ZC3HC1: variants seen among roughly 807,000 people sequenced by gnomAD.
ZC3HC1 encodes zinc finger C3HC-type protein 1.
ZC3HC1 carries 38 observed loss-of-function variants against 61.9 expected under a neutral mutation model. The observed-to-expected ratio is 0.61, with a 90% CI of 0.47 to 0.81. ZC3HC1 has a LOEUF of 0.81. ZC3HC1 is among the 30% of genes least tolerant of loss of function. The pLI, the probability that ZC3HC1 is intolerant of heterozygous loss-of-function variation, is 0.00. For synonymous variants in ZC3HC1, 213 were observed against 229.9 expected, an observed-to-expected ratio of 0.93 and a Z score of 0.67; for missense variants, 554 against 622.7, an observed-to-expected ratio of 0.89 and a Z score of 1.17.
At chr7:130,032,069 C>CA (rs1794222241) in intron 4 of ZC3HC1, among the ~76,000 whole-genome samples, 1 of 151,884 alleles carries the variant, frequency 6.6e-6, no homozygotes, top group Non-Finnish European at 1.5e-5. Flanking sequence ...ACTAAAAATA[C>CA]AAAAATTAGC....
At position 130,029,010 on chromosome 7, in the gene ZC3HC1, G is replaced by A. The variant is rs191694541; in HGVS notation, c.513C>T (p.Pro171=). Residue 171 remains proline, a synonymous_variant, in exon 5 of 10, where the codon CCC becomes CCT. Coordinates refer to ENST00000358303, the MANE Select transcript of ZC3HC1 (RefSeq NM_016478.5). ...SPSPDRFGML[P]LDEPAILVSE... ...TAACAAGAATAGCAGGCTCATCCAGGGGCAACATCCCAAATCGGTCTGTGG... is the reference window on the plus strand; with the variant it reads ...TAACAAGAATAGCAGGCTCATCCAGAGGCAACATCCCAAATCGGTCTGTGG... 5.6e-6 allele frequency: 9 copies of A among 1,613,296 alleles called. No homozygotes were observed. Among genetic ancestry groups the A allele is most frequent in the African/African-American group, 2.7e-5 (2 of 75,000 alleles).
intron 4 of ZC3HC1, among the ~76,000 whole-genome samples, chr7:130,038,739 A>AATCCCAGCT (rs1311970346): frequency 6.6e-6 from 1 of 151,842 alleles, no homozygotes; most frequent in Non-Finnish European, 1.5e-5. Flanking sequence ...GTGTACCTGT[A>AATCCCAGCT]ATCCCAGCTA....
At chr7:130,041,131 A>G (rs1794645451) in intron 2 of ZC3HC1, 30 bp from the exon 3 acceptor site, 1 of 1,370,744 alleles carries the variant, frequency 7.3e-7, no homozygotes, top group Admixed American at 2.0e-5. Flanking sequence ...CAACACAGCA[A>G]ATATATATAT....
chr7:130,019,581 A>G (rs890642050), intron 9 of ZC3HC1, among the ~76,000 whole-genome samples: 2 of 152,160 alleles, frequency 1.3e-5, no homozygotes, highest in African/African-American at 4.8e-5. Context: ...CCATCTGATC[A>G]TGCCAATGAA....
intron 3 of ZC3HC1, 40 bp downstream of exon 3, chr7:130,040,911 T>C: frequency 1.3e-6 from 2 of 1,575,476 alleles, no homozygotes; most frequent in Middle Eastern, 3.4e-4. Flanking sequence ...TAGTATATAT[T>C]TGAGTGTGGA....
At chr7:130,046,258 C>G (rs1794861387) in intron 2 of ZC3HC1, among the ~76,000 whole-genome samples, 3 of 151,996 alleles carry the variant, frequency 2.0e-5, no homozygotes, top group South Asian at 2.1e-4. Flanking sequence ...ACACGTTTAC[C>G]TATGTAACAA....
chr7:130,026,838 C>G (rs1174210617), intron 5 of ZC3HC1: 1 of 152,096 alleles, frequency 6.6e-6, no homozygotes, highest in Non-Finnish European at 1.5e-5. Flanking sequence ...GGCGTGGTGG[C>G]GGGCACCTGT....
chr7:130,043,881 G>C lies in ZC3HC1; in HGVS notation c.259-2780C>G, dbSNP rs780203017. The C allele has an allele frequency of 2.0e-5, 9 of 454,722 alleles. No homozygotes were observed. The East Asian group carries it at 5.6e-4, about 28-fold the overall frequency. 28.2% of individuals were successfully genotyped at this position (454,722 alleles called of 1,614,324 possible). Reference sequence around the variant, plus strand: ...CACATATAGGGGATTGATCAAAGTAGTAAATATATTAAGGATAACAAATTA... The same window carrying C: ...CACATATAGGGGATTGATCAAAGTACTAAATATATTAAGGATAACAAATTA... On this transcript the variant is annotated intron_variant, in intron 2 of 9. Transcript: ENST00000358303.
At position 130,042,414 on chromosome 7, in the gene ZC3HC1, G is replaced by A. The variant is rs1295003814; in HGVS notation, c.259-1313C>T. ...CTTAAAGGCACCAGTGAAAGTACTG[G>A]GATATGCCTAAACAATAAGAGATAG... On this transcript the variant is annotated intron_variant, in intron 2 of 9. Transcript: ENST00000358303. Among the ~76,000 whole-genome samples the A allele has an allele frequency of 5.3e-5, 8 of 152,166 alleles. 1 individual carries two copies. In the East Asian group the frequency reaches 1.5e-3, roughly 29 times the overall value.
At chr7:130,030,396 CA>C (rs1794124490) in intron 4 of ZC3HC1, among the ~76,000 whole-genome samples, 1 of 152,030 alleles carries the variant, frequency 6.6e-6, no homozygotes. Flanking sequence ...GACAGGGTTT[CA>C]TCATGTTGGC....
At chr7:130,024,665 T>G (rs1444523505) in intron 6 of ZC3HC1, among the ~76,000 whole-genome samples, 159 bp from the exon 7 acceptor site, 1 of 152,144 alleles carries the variant, frequency 6.6e-6, no homozygotes, top group African/African-American at 2.4e-5. Flanking sequence ...AGCTTCATAC[T>G]TCATCATCTC....
chr7:130,038,071 G>A (rs1042178838), intron 4 of ZC3HC1, among the ~76,000 whole-genome samples: 1 of 152,164 alleles, frequency 6.6e-6, no homozygotes, highest in Non-Finnish European at 1.5e-5. Context: ...TAGGATTATG[G>A]TTGGGAGCAA....
At chr7:130,044,970 T>C (rs966217692) in intron 2 of ZC3HC1, among the ~76,000 whole-genome samples, 24 of 152,292 alleles carry the variant, frequency 1.6e-4, no homozygotes, top group Middle Eastern at 3.4e-3. Flanking sequence ...ACTGAGGAAA[T>C]GTTCCAGATT....
Position 130,023,737 on chromosome 7 carries a change from G to A in ZC3HC1, c.1021-14C>T. 1.3e-6 allele frequency: 2 copies of A among 1,596,608 alleles called. No homozygotes were observed. The highest frequency in any genetic ancestry group is 1.7e-6 in the Non-Finnish European group (2 of 1,165,518). Reference sequence around the variant, plus strand: ...GCTCTTTTCAGCCTGAAGGAAAGGGGAGATAATGGAAGTACACGAATGATA... The same window carrying A: ...GCTCTTTTCAGCCTGAAGGAAAGGGAAGATAATGGAAGTACACGAATGATA... On this transcript the variant is annotated splice_polypyrimidine_tract_variant and intron_variant, in intron 7 of 9. Coordinates refer to ENST00000358303, the MANE Select transcript of ZC3HC1 (RefSeq NM_016478.5). The surrounding 1 kb of genome is among the most constrained non-coding windows in gnomAD (Gnocchi z 4.2).
In ZC3HC1 at chr7:130,041,029, C is replaced by T. The variant is rs1794639500; in HGVS notation, c.331G>A (p.Glu111Lys). ...CTAGAGCACTTGAGCATATCACATT[C>T]CACTGTGACCCAGCCATATTTTGCA... The part of the protein sequence containing the change: ...VCAKYGWVTV[E>K]CDMLKCSSCQ... The change falls in exon 3 of 10, where the codon GAA (glutamate) becomes AAA (lysine). Residue 111 changes from glutamate (E) to lysine (K), a missense_variant. By Grantham distance (56) the Glu-to-Lys change is moderately conservative. Coordinates refer to ENST00000358303, the MANE Select transcript of ZC3HC1 (RefSeq NM_016478.5). The T allele has an allele frequency of 6.2e-7, 1 of 1,614,020 alleles. No individual in the cohort carries two copies. The highest frequency in any genetic ancestry group is 8.5e-7 in the Non-Finnish European group (1 of 1,179,998).
At chr7:130,045,372 G>A (rs182228902) in intron 2 of ZC3HC1, 7 of 410,582 alleles carry the variant, frequency 1.7e-5, no homozygotes, top group Admixed American at 8.0e-5. Context: ...AGCAGAAGAC[G>A]TGGTGTGGTA....
rs1330357878 is a variant in ZC3HC1, at chr7:130,023,943, G to A, written c.1021-220C>T. ...GCCTCCCAAGTAGCTGGGATTACAGGTGCCTGCCACCACACCTGGCTAATT... is the reference window on the plus strand; with the variant it reads ...GCCTCCCAAGTAGCTGGGATTACAGATGCCTGCCACCACACCTGGCTAATT... On this transcript the variant is annotated intron_variant, in intron 7 of 9. Coordinates refer to ENST00000358303, the MANE Select transcript of ZC3HC1 (RefSeq NM_016478.5). The surrounding 1 kb of genome is among the most constrained non-coding windows in gnomAD (Gnocchi z 4.2). 1.3e-5 allele frequency among the ~76,000 whole-genome samples: 2 copies of A among 152,022 alleles called. No homozygotes were observed. The highest frequency in any genetic ancestry group is 2.9e-5 in the Non-Finnish European group (2 of 68,014).
chr7:130,051,055 G>T (rs560966907), intron 1 of ZC3HC1, among the ~76,000 whole-genome samples, 166 bp downstream of exon 1: 1 of 152,202 alleles, frequency 6.6e-6, no homozygotes, highest in Non-Finnish European at 1.5e-5. Context: ...CCGAGGGGAA[G>T]ATCAAAGCCG....
intron 4 of ZC3HC1, chr7:130,037,074 T>C (rs751704615): frequency 6.6e-6 from 1 of 152,234 alleles, no homozygotes; most frequent in East Asian, 1.9e-4. Flanking sequence ...GCTGAAGTTA[T>C]GAATGAGATC....
Sources: allele counts gnomAD v4.1 joint callset (sites outside exome capture counted in the v4.1 genomes callset), GRCh38; gene constraint gnomAD v4.1.1; non-coding constraint Gnocchi (gnomAD v3.1); transcripts MANE v1.5; gene names NCBI Gene and HGNC (gene_info 2026-07-23, HGNC 2026-07-21).